Variants in IFT140 observed in about 807,000 individuals in gnomAD.
The protein encoded by IFT140 is intraflagellar transport protein 140 homolog.
Under a neutral mutation model 164.6 loss-of-function variants are expected in IFT140, and 133 were observed. The ratio of observed to expected loss-of-function variants is 0.81; its 90% confidence interval spans 0.70 to 0.93. The LOEUF (loss-of-function observed/expected upper bound fraction) is 0.93, where lower values mean the gene tolerates loss of function less well. IFT140 is among the 40% of genes least tolerant of loss of function. IFT140 has a pLI of 0.00. For missense variants in IFT140, 2,045 were observed against 1,972.3 expected (o/e 1.04, Z -0.70); for synonymous variants, 860 against 817.3 (o/e 1.05, Z -0.89).
chr16:1,529,109 C>T (rs529541200), intron 19 of IFT140, among the ~76,000 whole-genome samples: 3 of 152,292 alleles, frequency 2.0e-5, no homozygotes, highest in African/African-American at 4.8e-5. Flanking sequence ...TGCCCGCTCC[C>T]GAAAGCCAGC....
At chr16:1,523,400 G>A (rs1410309405) in intron 26 of IFT140, 118 bp downstream of exon 26, 18 of 1,111,458 alleles carry the variant, frequency 1.6e-5, no homozygotes, top group South Asian at 3.1e-5. Flanking sequence ...GGCACCCACC[G>A]CAGCCTTCCT....
chr16:1,595,263 T>C (rs2755184), intron 4 of IFT140, among the ~76,000 whole-genome samples: 67,213 of 150,556 alleles, frequency 0.45, 16,555 homozygotes, highest in African/African-American at 0.67. Context: ...CCAGCCTGGG[T>C]GACAGAGTGA....
In IFT140 at chr16:1,580,813, A is replaced by G. The variant is rs756331863; in HGVS notation, c.1470T>C (p.His490=). The change falls in exon 13 of 31, where the codon CAT becomes CAC. Residue 490 remains histidine (H), a synonymous_variant. Transcript: ENST00000426508. The part of the protein sequence containing the change: ...FLCETPVLAM[H]EENVYTVESN... Reference sequence around the variant, plus strand: ...ACTCCACCGTGTAAACGTTTTCTTCATGCATTGCTAACACAGGCGTCTCAC... The same window carrying G: ...ACTCCACCGTGTAAACGTTTTCTTCGTGCATTGCTAACACAGGCGTCTCAC... The G allele has an allele frequency of 2.5e-6, 4 of 1,613,860 alleles. No homozygotes were observed. The African/African-American group carries it at 5.3e-5, about 22-fold the overall frequency.
In IFT140 at chr16:1,533,973, C is replaced by G. The variant is rs1350333742; in HGVS notation, c.2400-7177G>C. The stretch of plus-strand genomic sequence containing the variant: ...GCGCGGCACAGGCCGGCCTCCGCTT[C>G]CCGGGAAGACGGCGCACTCCTGGCC... On this transcript the variant is annotated intron_variant, in intron 19 of 30. Coordinates refer to ENST00000426508, the MANE Select transcript of IFT140 (RefSeq NM_014714.4). The surrounding 1 kb of genome is among the most constrained non-coding windows in gnomAD (Gnocchi z 4.7). 1 of 445,196 alleles carries G rather than the reference C, an allele frequency of 2.2e-6. No individual in the cohort carries two copies. Among genetic ancestry groups the G allele is most frequent in the Non-Finnish European group, 4.0e-6 (1 of 251,428 alleles). 27.6% of individuals were successfully genotyped at this position (445,196 alleles called of 1,614,324 possible).
chr16:1,511,433 G>C (rs1051743450), intron 30 of IFT140, among the ~76,000 whole-genome samples: 1 of 152,232 alleles, frequency 6.6e-6, no homozygotes. Flanking sequence ...AAGTCCCTCA[G>C]CAGCTGTGCA....
chr16:1,602,261 C>A (rs769633226), intron 4 of IFT140, 109 bp downstream of exon 4: 27 of 963,588 alleles, frequency 2.8e-5, no homozygotes, highest in Non-Finnish European at 4.2e-5. Flanking sequence ...CTGACAAGAT[C>A]AACTGAATTT....
intron 13 of IFT140, among the ~76,000 whole-genome samples, chr16:1,575,427 T>C (rs2034226108): frequency 6.6e-6 from 1 of 151,776 alleles, no homozygotes; most frequent in African/African-American, 2.4e-5. Context: ...TGGTGGTGCA[T>C]ACCTATGGTC....
At chr16:1,535,978 G>A (rs746476338) in intron 19 of IFT140, among the ~76,000 whole-genome samples, 6 of 152,226 alleles carry the variant, frequency 3.9e-5, no homozygotes, top group Non-Finnish European at 7.3e-5. Flanking sequence ...AGAAGGAGCC[G>A]CAGCCCCGTT....
intron 4 of IFT140, among the ~76,000 whole-genome samples, chr16:1,593,747 GCTGCCGGCATTGTCA>G (rs936021809): frequency 3.9e-5 from 6 of 152,224 alleles, no homozygotes; most frequent in South Asian, 2.1e-4. Context: ...TTCTCTGCAT[GCTGCCGGCATTGTCA>G]CTGCCGGCAT....
chr16:1,578,503 C>G (rs2034388266), intron 13 of IFT140: 1 of 151,440 alleles, frequency 6.6e-6, no homozygotes, highest in Non-Finnish European at 1.5e-5. Flanking sequence ...CAGATGCTTG[C>G]AGGGCTAAGG....
intron 30 of IFT140, among the ~76,000 whole-genome samples, chr16:1,513,821 C>T (rs1219023308): frequency 6.7e-6 from 1 of 149,568 alleles, no homozygotes; most frequent in African/African-American, 2.5e-5. Context: ...CTACAGGCGC[C>T]CACCACCACA....
At chr16:1,582,099 G>T (rs907923837) in intron 12 of IFT140, among the ~76,000 whole-genome samples, 5 of 152,046 alleles carry the variant, frequency 3.3e-5, no homozygotes, top group African/African-American at 1.2e-4. Context: ...GGAATGGGGG[G>T]AGCTGAGCTG....
chr16:1,522,707 A>G (rs1453776582), intron 26 of IFT140, among the ~76,000 whole-genome samples: 1 of 152,030 alleles, frequency 6.6e-6, no homozygotes, highest in Non-Finnish European at 1.5e-5. Context: ...GTGTGGTGGC[A>G]GGCACCTGTA....
At chr16:1,603,894 C>G (rs939346925) in intron 3 of IFT140, among the ~76,000 whole-genome samples, 1 of 152,210 alleles carries the variant, frequency 6.6e-6, no homozygotes, top group African/African-American at 2.4e-5. Context: ...TAGGAGCCAT[C>G]TTCTGTGATC....
At chr16:1,581,808 TGGGAGTGGAGGGGAG>T in intron 12 of IFT140, among the ~76,000 whole-genome samples, 1 of 14,894 alleles carries the variant, frequency 6.7e-5, no homozygotes, top group Non-Finnish European at 1.4e-4. Flanking sequence ...GTGGAGGGGA[TGGGAGTGGAGGGGAG>T]GGGAGGAGAG....
rs899949989 is a variant in IFT140 at position 1,563,318 on chromosome 16, G to A, written c.2067+679C>T. ...TAACTTTTTTTTTTTCTTTTGAGAC[G>A]GAGTCTCACTCTGTCGCCCAGGCTG... is the stretch of plus-strand genomic sequence containing the variant. On this transcript the variant is annotated intron_variant, in intron 17 of 30. Transcript: ENST00000426508. Among the ~76,000 whole-genome samples, 12 of 150,752 alleles carry A rather than the reference G, an allele frequency of 8.0e-5. No individual in the cohort carries two copies. In the South Asian group the frequency reaches 8.4e-4, roughly 11 times the overall value.
chr16:1,584,117 TG>T, intron 11 of IFT140, 99 bp downstream of exon 11: 1 of 869,648 alleles, frequency 1.1e-6, no homozygotes, highest in Non-Finnish European at 1.8e-6. Context: ...GAACTGAGAG[TG>T]GCCTAACCTG....
At chr16:1,591,927 T>A (rs1449021131) in intron 6 of IFT140, among the ~76,000 whole-genome samples, 2 of 152,222 alleles carry the variant, frequency 1.3e-5, no homozygotes, top group African/African-American at 2.4e-5. Context: ...AGCCTCCTCA[T>A]GAAAACCCTT....
rs139141440 is a variant in IFT140, at chr16:1,607,198, C to A, written c.69G>T (p.Trp23Cys). 6 of 1,613,968 alleles carry A rather than the reference C, an allele frequency of 3.7e-6. No individual in the cohort carries two copies. In the African/African-American group the frequency reaches 8.0e-5, roughly 22 times the overall value. ...CTGCCAAGAATGGATGGACAGGGTG[C>A]CAGCTGATAAATGAGGGTGACCCTG... ...DAAGSPSFIS[W>C]HPVHPFLAVA... The change falls in exon 3 of 31, where the codon TGG becomes TGT. Residue 23 changes from tryptophan (W) to cysteine (C), a missense_variant. Trp to Cys is a radical substitution (Grantham distance 215, BLOSUM62 -2). Transcript: ENST00000426508.
Sources: gnomAD v4.1 joint callset for allele counts (sites outside exome capture counted in the v4.1 genomes callset) on GRCh38, gnomAD v4.1.1 for gene constraint, Gnocchi (gnomAD v3.1) non-coding constraint, MANE v1.5 for transcripts, NCBI Gene and HGNC (gene_info 2026-07-23, HGNC 2026-07-21) for gene names.